PDE11A: variants seen among roughly 807,000 people sequenced by gnomAD.
PDE11A encodes the protein dual 3',5'-cyclic-AMP and -GMP phosphodiesterase 11A.
Under a neutral mutation model 100.5 loss-of-function variants are expected in PDE11A, and 100 were observed. The ratio of observed to expected loss-of-function variants is 1.00; its 90% CI spans 0.85 to 1.18. The LOEUF (loss-of-function observed/expected upper bound fraction) is 1.18. Ranked by LOEUF, PDE11A falls within the 50% of genes most tolerant of loss-of-function variation. The pLI is 0.00. For missense variants in PDE11A, 1,141 were observed against 1,152.6 expected (o/e 0.99, Z 0.15); for synonymous variants, 381 against 420.8 (o/e 0.91, Z 1.16).
chr2:177,831,147 G>A lies in PDE11A; in HGVS notation c.1500+9104C>T, dbSNP rs543036847. Among the ~76,000 whole-genome samples the A allele has an allele frequency of 1.1e-3, 165 of 152,276 alleles. 1 individual carries two copies. Among genetic ancestry groups the A allele is most frequent in the African/African-American group, 3.5e-3 (146 of 41,554 alleles). ...CTAAGTCTGCTCTGTTCACCACAAG[G>A]AGGGAACTCCATTAAATATTTAAGA... On this transcript the variant is annotated intron_variant, in intron 6 of 19. Transcript: ENST00000286063.
intron 1 of PDE11A, among the ~76,000 whole-genome samples, chr2:178,064,891 C>A (rs1052355739): frequency 8.6e-5 from 13 of 151,754 alleles, no homozygotes. Flanking sequence ...GAATTTGCGA[C>A]AGCCTTTAAG....
At chr2:177,792,550 G>A (rs2082647872) in intron 9 of PDE11A, among the ~76,000 whole-genome samples, 1 of 152,220 alleles carries the variant, frequency 6.6e-6, no homozygotes, top group African/African-American at 2.4e-5. Flanking sequence ...ACACCATGGA[G>A]CATTTTATGT....
At chr2:177,840,465 A>G (rs2083473704) in intron 5 of PDE11A, 82 bp from the exon 6 acceptor site, 11 of 1,170,402 alleles carry the variant, frequency 9.4e-6, no homozygotes, top group Non-Finnish European at 1.4e-5. Flanking sequence ...CTACACTAAT[A>G]TCAGGATAAT....
chr2:178,000,807 C>T (rs1355624386), intron 2 of PDE11A, among the ~76,000 whole-genome samples: 1 of 152,148 alleles, frequency 6.6e-6, no homozygotes, highest in African/African-American at 2.4e-5. Flanking sequence ...ATGTTTTCCT[C>T]GTGTCAAGTA....
chr2:178,006,408 C>CA (rs558002178), intron 2 of PDE11A, among the ~76,000 whole-genome samples: 39 of 152,232 alleles, frequency 2.6e-4, no homozygotes, highest in Non-Finnish European at 5.1e-4. Flanking sequence ...AAGCCCAAGA[C>CA]AAAATCAGGG....
chr2:177,660,048 T>TTTCC (rs1559130567), intron 19 of PDE11A, among the ~76,000 whole-genome samples: 13 of 9,752 alleles, frequency 1.3e-3, no homozygotes, highest in Non-Finnish European at 3.2e-3. Context: ...TCTTTCTTTC[T>TTTCC]TTCTTTCTTT....
chr2:177,769,291 T>C (rs756803208), intron 10 of PDE11A, 32 bp downstream of exon 10: 5 of 1,327,942 alleles, frequency 3.8e-6, no homozygotes, highest in Non-Finnish European at 4.4e-6. Context: ...TTTAACTGTA[T>C]GCACTAATAA....
intron 2 of PDE11A, among the ~76,000 whole-genome samples, chr2:177,929,075 C>G (rs965972409): frequency 6.6e-6 from 1 of 152,148 alleles, no homozygotes; most frequent in Non-Finnish European, 1.5e-5. Context: ...TTGAGTGTTG[C>G]ACAGGCGAAA....
intron 10 of PDE11A, among the ~76,000 whole-genome samples, chr2:177,765,375 G>A (rs1036221892): frequency 2.6e-5 from 4 of 152,156 alleles, no homozygotes; most frequent in African/African-American, 9.7e-5. Context: ...AGTACAAATG[G>A]TACAAACTAA....
At chr2:178,024,579 C>A (rs1041150873) in intron 1 of PDE11A, among the ~76,000 whole-genome samples, 4 of 152,138 alleles carry the variant, frequency 2.6e-5, no homozygotes, top group African/African-American at 9.7e-5. Context: ...ATCATATTAG[C>A]CCATTGCCCC....
At chr2:177,823,416 C>G (rs889356903) in intron 6 of PDE11A, among the ~76,000 whole-genome samples, 1 of 152,194 alleles carries the variant, frequency 6.6e-6, no homozygotes. Flanking sequence ...TCAAAGACAA[C>G]AGTGATGATG....
intron 5 of PDE11A, among the ~76,000 whole-genome samples, chr2:177,871,942 T>C (rs1423028464): frequency 1.3e-5 from 2 of 152,172 alleles, no homozygotes; most frequent in Admixed American, 6.5e-5. Flanking sequence ...TTACACTACA[T>C]AGGAGAAATG....
intron 10 of PDE11A, among the ~76,000 whole-genome samples, chr2:177,741,824 A>G (rs2081875190): frequency 6.6e-6 from 1 of 152,150 alleles, no homozygotes; most frequent in African/African-American, 2.4e-5. Flanking sequence ...AAGGAGATTC[A>G]CTTGAAGCCA....
At chr2:178,013,393 A>G (rs1278757285) in intron 2 of PDE11A, among the ~76,000 whole-genome samples, 1 of 152,202 alleles carries the variant, frequency 6.6e-6, no homozygotes, top group Non-Finnish European at 1.5e-5. Context: ...CACTATAAAA[A>G]TGACCTCAAT....
At chr2:177,804,454 A>T (rs1346566641) in intron 9 of PDE11A, among the ~76,000 whole-genome samples, 2 of 152,066 alleles carry the variant, frequency 1.3e-5, no homozygotes, top group Admixed American at 6.6e-5. Flanking sequence ...GAGGCGGAGA[A>T]AAGGTAATAC....
chr2:178,002,322 G>A (rs1056212099), intron 2 of PDE11A, among the ~76,000 whole-genome samples: 1 of 152,084 alleles, frequency 6.6e-6, no homozygotes, highest in African/African-American at 2.4e-5. Flanking sequence ...CACTGTTCAT[G>A]GGCATCTAGG....
intron 4 of PDE11A, among the ~76,000 whole-genome samples, chr2:177,880,342 G>A (rs551474276): frequency 2.0e-4 from 31 of 152,282 alleles, no homozygotes; most frequent in African/African-American, 6.3e-4. Context: ...AGCCGCATGG[G>A]CAGGTCAACC....
chr2:177,889,313 T>C lies in PDE11A; in HGVS notation c.1302+8745A>G, dbSNP rs2084491191. 2.0e-5 allele frequency among the ~76,000 whole-genome samples: 3 copies of C among 152,214 alleles called. No homozygotes were observed. The South Asian group carries it at 6.2e-4, about 31-fold the overall frequency. ...TGCAATAGATGCTTTGATTTTTTTG[T>C]GTGTAAATGCCCATATGCTTTTTTC... is the stretch of plus-strand genomic sequence containing the variant. On this transcript the variant is annotated intron_variant, in intron 4 of 19. Transcript: ENST00000286063.
chr2:178,104,246 T>A (rs770810036), intron 2 of PDE11A: 19 of 1,494,126 alleles, frequency 1.3e-5, no homozygotes, highest in Non-Finnish European at 1.8e-5. Flanking sequence ...CCAAATCATA[T>A]GCTTTATTCT....
Sources: allele counts gnomAD v4.1 joint callset (sites outside exome capture counted in the v4.1 genomes callset), GRCh38; gene constraint gnomAD v4.1.1; transcripts MANE v1.5; gene names NCBI Gene and HGNC (gene_info 2026-07-23, HGNC 2026-07-21).